Variants in STAG1 observed in about 807,000 individuals in gnomAD.
STAG1 encodes STAG1 cohesin complex component.
Under a neutral mutation model 170.9 loss-of-function variants are expected in STAG1, and 26 were observed. That is an observed-to-expected ratio of 0.15 (90% CI 0.11 to 0.21). The LOEUF (loss-of-function observed/expected upper bound fraction) is 0.21. STAG1 is among the 10% of genes least tolerant of loss of function. The pLI, the probability that STAG1 is intolerant of heterozygous loss-of-function variation, is 1.00. For missense variants in STAG1, 964 were observed against 1,509.5 expected (o/e 0.64, Z 5.99); for synonymous variants, 514 against 497.7 (o/e 1.03, Z -0.44).
intron 3 of STAG1, among the ~76,000 whole-genome samples, chr3:136,607,622 T>C (rs1939030272): frequency 6.6e-6 from 1 of 152,116 alleles, no homozygotes; most frequent in Non-Finnish European, 1.5e-5. Context: ...AGGCTGGTCT[T>C]GAACTCCTGA....
intron 9 of STAG1, among the ~76,000 whole-genome samples, chr3:136,488,531 T>G (rs1358193074): frequency 6.6e-6 from 1 of 152,192 alleles, no homozygotes; most frequent in Non-Finnish European, 1.5e-5. Flanking sequence ...AATATAATAA[T>G]AACCAATCAT....
chr3:136,528,508 A>C (rs1163210261), intron 6 of STAG1, among the ~76,000 whole-genome samples: 1 of 115,478 alleles, frequency 8.7e-6, no homozygotes, highest in Non-Finnish European at 1.8e-5. Context: ...CCCCCCCCAA[A>C]AAATCACTAA....
intron 1 of STAG1, among the ~76,000 whole-genome samples, chr3:136,699,027 C>T (rs145926584): frequency 6.2e-4 from 94 of 151,990 alleles, no homozygotes; most frequent in Non-Finnish European, 1.1e-3. Flanking sequence ...GACATAAAGG[C>T]GTAAGAATGA....
chr3:136,718,015 C>G (rs1932958086), intron 1 of STAG1, among the ~76,000 whole-genome samples: 1 of 152,104 alleles, frequency 6.6e-6, no homozygotes, highest in Non-Finnish European at 1.5e-5. Flanking sequence ...GACCTAAAAT[C>G]CCTAAAGAGA....
intron 12 of STAG1, among the ~76,000 whole-genome samples, chr3:136,465,672 G>C (rs963642606): frequency 6.2e-5 from 9 of 146,290 alleles, no homozygotes; most frequent in Non-Finnish European, 1.2e-4. Flanking sequence ...CAAAGTATTA[G>C]AATGCATTCT....
intron 1 of STAG1, among the ~76,000 whole-genome samples, chr3:136,719,912 C>G (rs1350047067): frequency 3.3e-5 from 5 of 152,150 alleles, no homozygotes; most frequent in Admixed American, 3.3e-4. Context: ...AGCGGTGGCT[C>G]ATGCCTGTAA....
At chr3:136,574,343 T>TACACACACAC (rs144809759) in intron 4 of STAG1, among the ~76,000 whole-genome samples, 2 of 148,962 alleles carry the variant, frequency 1.3e-5, no homozygotes, top group African/African-American at 4.9e-5. Context: ...TGTGTGTGTA[T>TACACACACAC]ACACACACAC....
rs561159345 is a variant in STAG1 at position 136,751,186 on chromosome 3, T to G, written c.-84+1009A>C. Among the ~76,000 whole-genome samples the G allele has an allele frequency of 1.8e-4, 23 of 125,920 alleles. 1 individual carries two copies. Among genetic ancestry groups the G allele is most frequent in the Admixed American group, 1.1e-3 (15 of 13,684 alleles). 82.6% of individuals were successfully genotyped at this position (125,920 alleles called of 152,430 possible). A position where few individuals can be genotyped will look rare whatever the true frequency, so the allele number is the denominator to read the frequency against. On this transcript the variant is annotated intron_variant, in intron 1 of 33. Transcript: ENST00000383202. The stretch of plus-strand genomic sequence containing the variant: ...TGACAAATTGCGTTTTTTTTTTTTG[T>G]TTTTTTTTTGTCTGTAAGTGTCCAA...
intron 14 of STAG1, among the ~76,000 whole-genome samples, chr3:136,451,309 G>A (rs547274321): frequency 1.2e-3 from 187 of 152,170 alleles, no homozygotes; most frequent in Middle Eastern, 3.4e-3. Context: ...TATGAGGCTC[G>A]TACAACTATC....
chr3:136,447,595 CATTT>C (rs1178895162), intron 14 of STAG1, among the ~76,000 whole-genome samples: 49 of 121,406 alleles, frequency 4.0e-4, no homozygotes, highest in East Asian at 2.4e-3. Context: ...AAAAGCATCA[CATTT>C]TTTTTTTTTT....
intron 4 of STAG1, among the ~76,000 whole-genome samples, chr3:136,570,653 G>A (rs1937240397): frequency 6.6e-6 from 1 of 152,192 alleles, no homozygotes; most frequent in East Asian, 1.9e-4. Context: ...CACCAGCAAT[G>A]TATGACATCC....
chr3:136,573,840 G>A (rs965240125), intron 4 of STAG1, among the ~76,000 whole-genome samples: 9 of 151,704 alleles, frequency 5.9e-5, no homozygotes, highest in Admixed American at 6.6e-5. Context: ...GCGTGGTGGT[G>A]GGTGCCTGTA....
intron 21 of STAG1, among the ~76,000 whole-genome samples, chr3:136,399,896 AAAT>A (rs994890115): frequency 5.3e-5 from 8 of 152,334 alleles, no homozygotes; most frequent in Non-Finnish European, 1.0e-4. Flanking sequence ...ATTACATAAC[AAAT>A]AATAAAACTT....
chr3:136,563,647 CAAAAAAA>C (rs772716937), intron 5 of STAG1, among the ~76,000 whole-genome samples: 3 of 97,968 alleles, frequency 3.1e-5, no homozygotes, highest in East Asian at 6.4e-4. Context: ...TTCTTTCTTA[CAAAAAAA>C]AAAAAAAAAC....
At chr3:136,338,471 CTTAA>C in intron 32 of STAG1, 21 bp from the exon 33 acceptor site, 1 of 1,597,958 alleles carries the variant, frequency 6.3e-7, no homozygotes. Context: ...AAATCGGTTT[CTTAA>C]TTTTTTTCTG....
At chr3:136,726,633 A>T (rs1933704310) in intron 1 of STAG1, among the ~76,000 whole-genome samples, 1 of 152,190 alleles carries the variant, frequency 6.6e-6, no homozygotes, top group Non-Finnish European at 1.5e-5. Context: ...CATGTTGACC[A>T]GGCTGGTCTC....
intron 1 of STAG1, among the ~76,000 whole-genome samples, chr3:136,696,452 A>G (rs1305727587): frequency 6.6e-6 from 1 of 152,220 alleles, no homozygotes. Context: ...GTATGATTCT[A>G]TAATGGTGGG....
chr3:136,553,717 T>A (rs1001936975), intron 5 of STAG1, among the ~76,000 whole-genome samples: 3 of 152,244 alleles, frequency 2.0e-5, no homozygotes, highest in Non-Finnish European at 2.9e-5. Context: ...GAGATTGCCG[T>A]GAGCCAAGAT....
intron 1 of STAG1, among the ~76,000 whole-genome samples, chr3:136,680,443 G>C (rs1214621588): frequency 6.6e-6 from 1 of 151,842 alleles, no homozygotes; most frequent in Non-Finnish European, 1.5e-5. Context: ...TGAGTAGAGA[G>C]AAAAAGAGTA....
Sources: allele counts gnomAD v4.1 joint callset (sites outside exome capture counted in the v4.1 genomes callset), GRCh38; gene constraint gnomAD v4.1.1; transcripts MANE v1.5; gene names NCBI Gene and HGNC (gene_info 2026-07-23, HGNC 2026-07-21).